The following TUBGCP6 variants were observed in gnomAD, a reference collection of about 807,000 sequenced individuals.
The protein encoded by TUBGCP6 is gamma-tubulin complex component 6.
Under a neutral mutation model 175.8 loss-of-function variants are expected in TUBGCP6, and 161 were observed. That is an observed-to-expected ratio of 0.92 (90% CI 0.81 to 1.04). TUBGCP6 has a LOEUF of 1.04. Among genes scored for constraint, TUBGCP6 ranks in the 50% least tolerant of loss-of-function variants. The pLI is 0.00. For missense variants in TUBGCP6, 2,572 were observed against 2,433.0 expected, an observed-to-expected ratio of 1.06 and a Z score of -1.20; for synonymous variants, 1,173 against 1,030.5, an observed-to-expected ratio of 1.14 and a Z score of -2.65.
At chr22:50,224,629 G>A (rs370076237) in intron 10 of TUBGCP6, 37 bp from the exon 11 acceptor site, 163 of 1,605,140 alleles carry the variant, frequency 1.0e-4, no homozygotes, top group Non-Finnish European at 1.2e-4. Context: ...CATCCTGGCC[G>A]GGCGCAGTGG....
Position 50,220,775 on chromosome 22 carries a change from C to T in TUBGCP6, c.3584G>A (p.Ser1195Asn). The change falls in exon 16 of 25, where the codon AGC (serine) becomes AAC (asparagine). Residue 1195 changes from serine (S) to asparagine (N), a missense_variant. Transcript: ENST00000248846. ...WNTHGHVSDA[S>N]ISLGESVSDM... ...TGACACAGACTCCCCCAAGCTGATG[C>T]TGGCATCAGACACGTGTCCATGGGT... 1.2e-6 allele frequency: 2 copies of T among 1,602,838 alleles called. No individual in the cohort carries two copies. The highest frequency in any genetic ancestry group is 1.7e-6 in the Non-Finnish European group (2 of 1,176,862).
chr22:50,220,573 G>C lies in TUBGCP6; in HGVS notation c.3786C>G (p.Thr1262=). 1.2e-6 allele frequency: 2 copies of C among 1,613,552 alleles called. No homozygotes were observed. The highest frequency in any genetic ancestry group is 1.7e-6 in the Non-Finnish European group (2 of 1,179,980). The stretch of plus-strand genomic sequence containing the variant: ...GTACATGGGTGTTCCACCGTGGCCG[G>C]GTGGAAACCACATCCGACACAGGCT... ...LGEPVSDVVS[T]RPRWNTHVPI... is the part of the protein sequence containing the mutation. Residue 1262 remains threonine (T), a synonymous_variant, in exon 16 of 25, where the codon ACC becomes ACG. Transcript: ENST00000248846.
chr22:50,238,532 GT>G (rs1314149857), intron 2 of TUBGCP6, among the ~76,000 whole-genome samples: 3,319 of 113,830 alleles, frequency 0.029, 86 homozygotes, highest in East Asian at 0.14. Context: ...TGTAGGGCCA[GT>G]TTTTTTTTTT....
chr22:50,228,008 C>T lies in TUBGCP6; in HGVS notation c.1311G>A (p.Arg437=). ...LVFQAFTSGL[R]RYLQYYRACV... is the part of the protein sequence containing the mutation. ...AGGCCCGGTAATACTGCAGGTACCTCCTCAGGCCACTGGTGAAGGCCTGTG... is the reference window on the plus strand; with the variant it reads ...AGGCCCGGTAATACTGCAGGTACCTTCTCAGGCCACTGGTGAAGGCCTGTG... Residue 437 remains arginine (R), a synonymous_variant, in exon 5 of 25, where the codon AGG becomes AGA. Transcript: ENST00000248846. 1 of 1,563,522 alleles carries T rather than the reference C, an allele frequency of 6.4e-7. No homozygotes were observed. The highest frequency in any genetic ancestry group is 8.7e-7 in the Non-Finnish European group (1 of 1,153,896).
In TUBGCP6 at chr22:50,222,507, G is replaced by A. The variant is rs772174079; in HGVS notation, c.2356C>T (p.Arg786Ter). Reference protein sequence around the residue: ...QKALWRIQRHRLESARLRFLL... With the variant: ...QKALWRIQRH ...AAACGAAGCCGTGCACTCTCCAGTC[G>A]GTGCCTCTGGATTCTCCACAGTGCC... The change falls in exon 14 of 25, where the codon CGA becomes TGA. Residue 786 changes from arginine to a stop codon, truncating the protein, a stop_gained. Coordinates refer to ENST00000248846, the MANE Select transcript of TUBGCP6 (RefSeq NM_020461.4). LOFTEE classifies it high-confidence loss of function. The A allele has an allele frequency of 5.0e-6, 8 of 1,613,636 alleles. No individual in the cohort carries two copies. The highest frequency in any genetic ancestry group is 1.7e-5 in the Admixed American group (1 of 60,006).
chr22:50,226,867 G>A lies in TUBGCP6; in HGVS notation c.1492-25C>T, dbSNP rs751552431. ...CCTGCAGACCGCAAAGGGGGTGGGG[G>A]GCAGCTCAGCGCACCCAGCGCTGGG... On this transcript the variant is annotated intron_variant, in intron 6 of 24. Transcript: ENST00000248846. 2.6e-6 allele frequency: 4 copies of A among 1,564,152 alleles called. No individual in the cohort carries two copies. The South Asian group carries it at 3.5e-5, about 14-fold the overall frequency.
At position 50,218,270 on chromosome 22, in the gene TUBGCP6, A is replaced by G. The variant is rs1397493939; in HGVS notation, c.5087T>C (p.Phe1696Ser). The G allele has an allele frequency of 6.2e-7, 1 of 1,612,992 alleles. No homozygotes were observed. The highest frequency in any genetic ancestry group is 1.7e-5 in the Admixed American group (1 of 60,002). The change falls in exon 23 of 25, where the codon TTC (phenylalanine) becomes TCC (serine). Residue 1696 changes from phenylalanine (F) to serine (S), a missense_variant. By Grantham distance (155) the Phe-to-Ser change is radical. Coordinates refer to ENST00000248846, the MANE Select transcript of TUBGCP6 (RefSeq NM_020461.4). Reference sequence around the variant, plus strand: ...GCCCACGGTGGCCAACCTGGCCCTGAACTCGCACCAGGTGACGTGCAGGAT... The same window carrying G: ...GCCCACGGTGGCCAACCTGGCCCTGGACTCGCACCAGGTGACGTGCAGGAT... ...NQILHVTWCE[F>S]RARLATVGDL...
Position 50,229,523 on chromosome 22 carries a change from CGG to C in TUBGCP6, c.1169_1170del (p.Pro390ArgfsTer176). ...TCCGAGAGCAGGCTGCTGATGCTCT[CGG>C]GAGACGCTCCTGACACGTGGACGCC... ...KRGVHVSGASPESISSLLSEV... is the reference protein window; with the variant it reads ...KRGVHVSGASXESISSLLSEV... On this transcript the variant is annotated frameshift_variant, in exon 4 of 25. Coordinates refer to ENST00000248846, the MANE Select transcript of TUBGCP6 (RefSeq NM_020461.4). LOFTEE classifies it high-confidence loss of function. The C allele has an allele frequency of 6.2e-7, 1 of 1,606,544 alleles. No individual in the cohort carries two copies. Among genetic ancestry groups the C allele is most frequent in the Non-Finnish European group, 8.5e-7 (1 of 1,176,994 alleles).
intron 1 of TUBGCP6, among the ~76,000 whole-genome samples, chr22:50,242,319 T>A (rs946883534): frequency 1.3e-5 from 2 of 149,314 alleles, no homozygotes; most frequent in African/African-American, 2.5e-5. Flanking sequence ...AATAAAAAAA[T>A]AAAAATACAA....
At position 50,226,593 on chromosome 22, in the gene TUBGCP6, G is replaced by A. The variant is rs372864788; in HGVS notation, c.1601+140C>T. 3.3e-5 allele frequency: 26 copies of A among 793,134 alleles called. No homozygotes were observed. The South Asian group carries it at 3.5e-4, about 11-fold the overall frequency. 49.1% of individuals were successfully genotyped at this position (793,134 alleles called of 1,614,324 possible). A position where few individuals can be genotyped will look rare whatever the true frequency, so the allele number is the denominator to read the frequency against. On this transcript the variant is annotated intron_variant, in intron 7 of 24. Coordinates refer to ENST00000248846, the MANE Select transcript of TUBGCP6 (RefSeq NM_020461.4). Reference sequence around the variant, plus strand: ...AGTGGGGGCAGGGTGGGGGGTTGGGGGCTCCTGCCCAGTCCACCTATCCTG... The same window carrying A: ...AGTGGGGGCAGGGTGGGGGGTTGGGAGCTCCTGCCCAGTCCACCTATCCTG...
At position 50,220,027 on chromosome 22, in the gene TUBGCP6, C is replaced by T; in HGVS notation, c.4109-12G>A. On this transcript the variant is annotated splice_polypyrimidine_tract_variant and intron_variant, in intron 16 of 24. Coordinates refer to ENST00000248846, the MANE Select transcript of TUBGCP6 (RefSeq NM_020461.4). ...GCTCCTCCCAGGGCCTGTGTGGACA[C>T]AAGTGGACACGAGGGCATCAGGGCC... is the stretch of plus-strand genomic sequence containing the variant. 1 of 1,612,904 alleles carries T rather than the reference C, an allele frequency of 6.2e-7. No individual in the cohort carries two copies. Among genetic ancestry groups the T allele is most frequent in the East Asian group, 2.2e-5 (1 of 44,846 alleles).
chr22:50,230,370 G>A (rs1157117418), intron 3 of TUBGCP6, among the ~76,000 whole-genome samples: 1 of 152,136 alleles, frequency 6.6e-6, no homozygotes. Context: ...ACTTCAGGAG[G>A]CCAAGGCAGG....
Position 50,244,879 on chromosome 22 carries a change from C to A in TUBGCP6, c.-420G>T, listed in dbSNP as rs1322639773. 4 of 210,570 alleles carry A rather than the reference C, an allele frequency of 1.9e-5. No individual in the cohort carries two copies. The highest frequency in any genetic ancestry group is 3.9e-5 in the Non-Finnish European group (4 of 103,878). The allele number at this position is 210,570 out of a possible 1,614,324, so 13.0% of individuals were successfully genotyped here. Reference sequence around the variant, plus strand: ...CAGGAGAGGGTGCCACTCCGAGGGTCGTGGGCAGCGGAGAGTCTGGGGGCT... The same window carrying A: ...CAGGAGAGGGTGCCACTCCGAGGGTAGTGGGCAGCGGAGAGTCTGGGGGCT... On this transcript the variant is annotated 5_prime_UTR_variant, in exon 1 of 25. Transcript: ENST00000248846.
chr22:50,218,373 G>C lies in TUBGCP6; in HGVS notation c.4984C>G (p.Gln1662Glu). 2.5e-6 allele frequency: 4 copies of C among 1,613,042 alleles called. No individual in the cohort carries two copies. The highest frequency in any genetic ancestry group is 3.4e-6 in the Non-Finnish European group (4 of 1,179,958). The change falls in exon 23 of 25, where the codon CAG (glutamine) becomes GAG (glutamate). Residue 1662 changes from glutamine to glutamate, a missense_variant. Gln to Glu is a conservative substitution (Grantham distance 29). Coordinates refer to ENST00000248846, the MANE Select transcript of TUBGCP6 (RefSeq NM_020461.4). ...TTGAACAGCTGCAGCTGACGGAACT[G>C]CACAGAGCCGGCCATGTGGCTCAGC... ...ALLSHMAGSVQFRQLQLFKHE... is the reference protein window; with the variant it reads ...ALLSHMAGSVEFRQLQLFKHE...
Position 50,217,937 on chromosome 22 carries a change from GTA to G in TUBGCP6, c.5347_5348del (p.Tyr1783LeufsTer47), listed in dbSNP as rs2064443587. ...CCTCACCTTTGAAGAGAAAGTGGGA[GTA>G]GTACTTGAAGGTGTTGTAGGACTGC... ...MQQSYNTFKY[Y>X]SHFLFKVVTK... On this transcript the variant is annotated frameshift_variant, in exon 24 of 25. Transcript: ENST00000248846. LOFTEE classifies it high-confidence loss of function. 1 of 1,607,882 alleles carries G rather than the reference GTA, an allele frequency of 6.2e-7. No homozygotes were observed. Among genetic ancestry groups the G allele is most frequent in the African/African-American group, 1.3e-5 (1 of 74,684 alleles).
At chr22:50,226,880 A>T (rs532542130) in intron 6 of TUBGCP6, 38 bp from the exon 7 acceptor site, 1 of 1,549,892 alleles carries the variant, frequency 6.5e-7, no homozygotes, top group African/African-American at 1.4e-5. Context: ...AGCTCAGCGC[A>T]CCCAGCGCTG....
rs2064471615 is a variant in TUBGCP6 at position 50,219,213 on chromosome 22, G to A, written c.4485-4C>T. The A allele has an allele frequency of 3.7e-6, 6 of 1,610,906 alleles. No homozygotes were observed. The highest frequency in any genetic ancestry group is 5.1e-6 in the Non-Finnish European group (6 of 1,179,956). ...GGCCTTGTTCACCAAGGAGATGCTGGCAGGAGGGAGCTGGAGTCAGGGCGG... is the reference window on the plus strand; with the variant it reads ...GGCCTTGTTCACCAAGGAGATGCTGACAGGAGGGAGCTGGAGTCAGGGCGG... On this transcript the variant is annotated splice_polypyrimidine_tract_variant and splice_region_variant and intron_variant, in intron 19 of 24. Coordinates refer to ENST00000248846, the MANE Select transcript of TUBGCP6 (RefSeq NM_020461.4).
rs1000471692 is a variant in TUBGCP6, at chr22:50,221,320, A to G, written c.3039T>C (p.Ala1013=). The change falls in exon 16 of 25, where the codon GCT becomes GCC. Residue 1013 remains alanine, a synonymous_variant. Coordinates refer to ENST00000248846, the MANE Select transcript of TUBGCP6 (RefSeq NM_020461.4). ...LLPSHPPRRA[A]LEEGSSQPTE... ...TGGGCTGGCTGCTCCCCTCCTCCAGAGCAGCACGCCTGGGTGGGTGTGAGG... is the reference window on the plus strand; with the variant it reads ...TGGGCTGGCTGCTCCCCTCCTCCAGGGCAGCACGCCTGGGTGGGTGTGAGG... 6.2e-7 allele frequency: 1 copy of G among 1,613,246 alleles called. No individual in the cohort carries two copies. Among genetic ancestry groups the G allele is most frequent in the Non-Finnish European group, 8.5e-7 (1 of 1,179,950 alleles).
At chr22:50,224,624 T>A (rs1435395096) in intron 10 of TUBGCP6, 32 bp from the exon 11 acceptor site, 2 of 1,609,732 alleles carry the variant, frequency 1.2e-6, no homozygotes, top group Non-Finnish European at 1.7e-6. Flanking sequence ...CAAAGCATCC[T>A]GGCCGGGCGC....
Sources: allele counts gnomAD v4.1 joint callset (sites outside exome capture counted in the v4.1 genomes callset), GRCh38; gene constraint gnomAD v4.1.1; transcripts MANE v1.5; gene names NCBI Gene and HGNC (gene_info 2026-07-23, HGNC 2026-07-21).